PTBP3: variants seen among roughly 807,000 people sequenced by gnomAD.
PTBP3 encodes polypyrimidine tract binding protein 3.
PTBP3 carries 20 observed loss-of-function variants against 58.7 expected under a neutral mutation model. The ratio of observed to expected loss-of-function variants is 0.34; its 90% CI spans 0.24 to 0.50. PTBP3 has a LOEUF of 0.50. Ranked by LOEUF, PTBP3 falls within the 20% of genes least tolerant of loss-of-function variation. PTBP3 has a pLI of 0.98. For synonymous variants in PTBP3, 185 were observed against 219.8 expected, an observed-to-expected ratio of 0.84 and a Z score of 1.40; for missense variants, 509 against 637.2, an observed-to-expected ratio of 0.80 and a Z score of 2.17.
At chr9:112,342,729 AAAGAAGAAG>A in the PTBP3 span, among the ~76,000 whole-genome samples, 1 of 150,850 alleles carries the variant, frequency 6.6e-6, no homozygotes, top group Admixed American at 6.6e-5. Flanking sequence ...AAAGAAAAAC[AAAGAAGAAG>A]AAGAAGAAGA....
At chr9:112,307,675 C>T (rs534446980) in intron 1 of PTBP3, among the ~76,000 whole-genome samples, 1 of 152,096 alleles carries the variant, frequency 6.6e-6, no homozygotes, top group Non-Finnish European at 1.5e-5. Context: ...ATTCTGATAA[C>T]CACAATTTTC....
intron 1 of PTBP3, among the ~76,000 whole-genome samples, chr9:112,327,497 T>C (rs561338738): frequency 6.6e-5 from 10 of 150,798 alleles, no homozygotes; most frequent in East Asian, 4.0e-4. Flanking sequence ...GAGGTGGAGA[T>C]TGCAGTGAGC....
At chr9:112,306,854 G>C (rs1829243318) in intron 1 of PTBP3, among the ~76,000 whole-genome samples, 1 of 152,016 alleles carries the variant, frequency 6.6e-6, no homozygotes, top group African/African-American at 2.4e-5. Context: ...GACCTCAGGT[G>C]ATCCACCCAC....
At chr9:112,291,526 C>T (rs1564439326) in intron 2 of PTBP3, among the ~76,000 whole-genome samples, 1 of 152,096 alleles carries the variant, frequency 6.6e-6, no homozygotes, top group South Asian at 2.1e-4. Flanking sequence ...AACATATAGA[C>T]CAATGGAACA....
the PTBP3 span, among the ~76,000 whole-genome samples, chr9:112,346,802 C>T: frequency 2.0e-5 from 3 of 152,196 alleles, no homozygotes; most frequent in African/African-American, 7.2e-5. Flanking sequence ...GCTTTCTCAA[C>T]TCACTTTGCC....
At chr9:112,294,956 A>C (rs1331819743) in intron 2 of PTBP3, among the ~76,000 whole-genome samples, 2 of 152,180 alleles carry the variant, frequency 1.3e-5, no homozygotes, top group Non-Finnish European at 2.9e-5. Context: ...ATAGTTACTT[A>C]AGAAGTTAAT....
At chr9:112,260,675 A>G (rs1836557282) in intron 5 of PTBP3, among the ~76,000 whole-genome samples, 1 of 152,204 alleles carries the variant, frequency 6.6e-6, no homozygotes, top group Admixed American at 6.5e-5. Context: ...GCCAGAAAAG[A>G]CAGGTGCTAA....
Position 112,262,597 on chromosome 9 carries a change from T to C in PTBP3, c.354A>G (p.Arg118=). The change falls in exon 5 of 14, where the codon CGA becomes CGG. Residue 118 remains arginine (R), a splice_region_variant and synonymous_variant. Transcript: ENST00000374257. ...LKTDNLPNQA[R]AQAALQAVSA... ...TGACAGCCTGCAGTGCAGCTTGGGC[T>C]CGCTATAGAACAACCCAAAATGAGA... 6.3e-7 allele frequency: 1 copy of C among 1,594,738 alleles called. No homozygotes were observed. The highest frequency in any genetic ancestry group is 8.5e-7 in the Non-Finnish European group (1 of 1,172,854).
Position 112,332,824 on chromosome 9 carries a change from G to A in PTBP3, c.-52+646C>T, listed in dbSNP as rs528795752. 3,564 of 1,612,342 alleles carry A rather than the reference G, an allele frequency of 2.2e-3. 100 individuals are homozygous for A. The South Asian group carries it at 0.037, about 17-fold the overall frequency. ...ATTAAGTTTCTTGGGGAGAGAGAAA[G>A]GTGAGGGGGAAGCGTCCATGGTCAC... On this transcript the variant is annotated intron_variant, in intron 1 of 13. Transcript: ENST00000374257.
chr9:112,290,707 T>TACACACACAA (rs55862558), intron 2 of PTBP3, among the ~76,000 whole-genome samples: 40,459 of 110,908 alleles, frequency 0.36, 8,206 homozygotes, highest in Non-Finnish European at 0.44. Context: ...TATATATATA[T>TACACACACAA]ACACACACAC....
upstream of PTBP3, chr9:112,333,632 G>A (rs1447150247): frequency 6.3e-6 from 5 of 796,328 alleles, no homozygotes; most frequent in African/African-American, 1.8e-5. Flanking sequence ...GAACAGGGGC[G>A]GGGACCGGGC....
At chr9:112,244,289 C>CAAAAAAAAAAAAAAAAA (rs56052359) in intron 7 of PTBP3, among the ~76,000 whole-genome samples, 679 of 36,182 alleles carry the variant, frequency 0.019, 141 homozygotes, top group African/African-American at 0.047. Context: ...GACTCTGTCT[C>CAAAAAAAAAAAAAAAAA]AAAAAAAAAA....
the PTBP3 span, among the ~76,000 whole-genome samples, chr9:112,344,582 A>G: frequency 3.9e-5 from 6 of 152,302 alleles, no homozygotes; most frequent in African/African-American, 1.4e-4. Context: ...TTTATAAATT[A>G]TCCAGTCTCA....
Position 112,282,257 on chromosome 9 carries a change from T to A in PTBP3, c.35-6244A>T, listed in dbSNP as rs1263092311. On this transcript the variant is annotated intron_variant, in intron 2 of 13. Coordinates refer to ENST00000374257, the MANE Select transcript of PTBP3 (RefSeq NM_001163788.4). The stretch of plus-strand genomic sequence containing the variant: ...AGAATCATTCTTGATACTGGCAATT[T>A]GTGTCTTTCCTTTTTTTTGAGTCTA... Among the ~76,000 whole-genome samples the A allele has an allele frequency of 1.1e-4, 17 of 152,206 alleles. 1 individual carries two copies. The highest frequency in any genetic ancestry group is 2.1e-4 in the South Asian group (1 of 4,832).
the PTBP3 span, among the ~76,000 whole-genome samples, chr9:112,341,862 C>T: frequency 1.3e-5 from 2 of 152,226 alleles, no homozygotes; most frequent in Admixed American, 1.3e-4. Context: ...TCCCTGAATT[C>T]CTTTAGAATG....
chr9:112,219,259 G>A lies in PTBP3; in HGVS notation c.*4592C>T, dbSNP rs1834725095. 1 of 152,414 alleles carries A rather than the reference G, an allele frequency of 6.6e-6. No individual in the cohort carries two copies. Among genetic ancestry groups the A allele is most frequent in the African/African-American group, 2.4e-5 (1 of 41,350 alleles). The allele number at this position is 152,414 out of a possible 1,614,324, so 9.4% of individuals were successfully genotyped here. A position where few individuals can be genotyped will look rare whatever the true frequency, so the allele number is the denominator to read the frequency against. On this transcript the variant is annotated 3_prime_UTR_variant, in exon 14 of 14. Coordinates refer to ENST00000374257, the MANE Select transcript of PTBP3 (RefSeq NM_001163788.4). ...AACTGGTACTTTCTGGATATGGGAT[G>A]AATTTTTAAAAGATCTGGGAAACAA...
intron 6 of PTBP3, among the ~76,000 whole-genome samples, chr9:112,251,351 C>T (rs1836107374): frequency 6.6e-6 from 1 of 152,048 alleles, no homozygotes; most frequent in Non-Finnish European, 1.5e-5. Context: ...GTGGTAAGAT[C>T]AAATAAGAGA....
At chr9:112,267,446 A>C (rs1011920221) in intron 4 of PTBP3, among the ~76,000 whole-genome samples, 1 of 151,936 alleles carries the variant, frequency 6.6e-6, no homozygotes, top group African/African-American at 2.4e-5. Context: ...CCGGCCAAAA[A>C]CCACCTTCTT....
At chr9:112,289,032 A>G (rs1828260570) in intron 2 of PTBP3, among the ~76,000 whole-genome samples, 1 of 152,224 alleles carries the variant, frequency 6.6e-6, no homozygotes, top group Non-Finnish European at 1.5e-5. Flanking sequence ...TTTTTAGCTA[A>G]GCACGTGCCT....
Sources: gnomAD v4.1 joint callset for allele counts (sites outside exome capture counted in the v4.1 genomes callset) on GRCh38, gnomAD v4.1.1 for gene constraint, MANE v1.5 for transcripts, NCBI Gene and HGNC (gene_info 2026-07-23, HGNC 2026-07-21) for gene names.